Variants in IMMP2L observed in about 807,000 individuals in gnomAD.
IMMP2L encodes mitochondrial inner membrane protease subunit 2.
Under a neutral mutation model 19.3 loss-of-function variants are expected in IMMP2L, and 18 were observed. The observed-to-expected ratio is 0.93, with a 90% CI of 0.64 to 1.38. IMMP2L has a LOEUF of 1.38. IMMP2L is among the 40% of genes most tolerant of loss of function. The pLI, the probability that IMMP2L is intolerant of heterozygous loss-of-function variation, is 0.00. For synonymous variants in IMMP2L, 76 were observed against 73.0 expected (o/e 1.04, Z -0.21); for missense variants, 233 against 218.2 (o/e 1.07, Z -0.43).
chr7:110,948,897 T>C (rs1237489979), intron 4 of IMMP2L, among the ~76,000 whole-genome samples: 1 of 152,090 alleles, frequency 6.6e-6, no homozygotes, highest in Non-Finnish European at 1.5e-5. Context: ...CAAATGCAAT[T>C]TCCTCTCTCT....
At chr7:111,109,943 G>C (rs541446332) in intron 3 of IMMP2L, among the ~76,000 whole-genome samples, 1 of 152,262 alleles carries the variant, frequency 6.6e-6, no homozygotes, top group African/African-American at 2.4e-5. Context: ...AGACCGGCCT[G>C]ATCAATATGG....
At position 110,694,700 on chromosome 7, in the gene IMMP2L, T is replaced by C. The variant is rs75913437; in HGVS notation, c.409-30979A>G. ...TCCTCAAAAAGTTAAACATAGAATT[T>C]ATATATGATCGAGCAATTTCACTCC... is the stretch of plus-strand genomic sequence containing the variant. On this transcript the variant is annotated intron_variant, in intron 5 of 5. Transcript: ENST00000405709. Among the ~76,000 whole-genome samples, 1,294 of 152,260 alleles carry C rather than the reference T, an allele frequency of 8.5e-3. 9 individuals are homozygous for C. The highest frequency in any genetic ancestry group is 0.014 in the African/African-American group (588 of 41,560).
At chr7:111,086,774 C>T (rs1189162113) in intron 3 of IMMP2L, among the ~76,000 whole-genome samples, 1 of 152,158 alleles carries the variant, frequency 6.6e-6, no homozygotes, top group South Asian at 2.1e-4. Flanking sequence ...TCATTTTTTC[C>T]ACTAGGCACT....
chr7:111,281,805 G>C (rs1054514632), intron 3 of IMMP2L, among the ~76,000 whole-genome samples: 21 of 152,202 alleles, frequency 1.4e-4, no homozygotes, highest in African/African-American at 4.6e-4. Context: ...TGAAGAGACA[G>C]ATCAGTCAGA....
At chr7:111,337,402 A>G (rs1826537860) in intron 3 of IMMP2L, among the ~76,000 whole-genome samples, 1 of 152,088 alleles carries the variant, frequency 6.6e-6, no homozygotes, top group Non-Finnish European at 1.5e-5. Flanking sequence ...CTCCCAGCAC[A>G]TATTTTGCAG....
In IMMP2L at chr7:110,811,262, T is replaced by C. The variant is rs115227615; in HGVS notation, c.408+75331A>G. 1.8e-4 allele frequency among the ~76,000 whole-genome samples: 27 copies of C among 152,200 alleles called. No individual in the cohort carries two copies. The South Asian group carries it at 5.6e-3, about 32-fold the overall frequency. On this transcript the variant is annotated intron_variant, in intron 5 of 5. Transcript: ENST00000405709. ...ATAACACTGTAAAATATTTTCCTCA[T>C]ACAGTGGAGAAGCACAAGGCTTAAT... is the stretch of plus-strand genomic sequence containing the variant.
At chr7:111,002,720 T>A (rs1280895699) in intron 3 of IMMP2L, among the ~76,000 whole-genome samples, 1 of 152,086 alleles carries the variant, frequency 6.6e-6, no homozygotes, top group Non-Finnish European at 1.5e-5. Context: ...TCTCCACACA[T>A]GTGCCAGATA....
chr7:110,829,576 T>C (rs1375569645), intron 5 of IMMP2L, among the ~76,000 whole-genome samples: 2 of 152,108 alleles, frequency 1.3e-5, no homozygotes, highest in African/African-American at 2.4e-5. Flanking sequence ...TTCAGATAAA[T>C]GCCTTATTCT....
intron 3 of IMMP2L, among the ~76,000 whole-genome samples, chr7:111,370,085 C>T (rs1830126824): frequency 6.6e-6 from 1 of 151,972 alleles, no homozygotes; most frequent in African/African-American, 2.4e-5. Flanking sequence ...CTTATCCAGA[C>T]AAAGGACTTC....
chr7:111,391,390 G>A (rs529317381), intron 3 of IMMP2L, among the ~76,000 whole-genome samples: 1 of 152,136 alleles, frequency 6.6e-6, no homozygotes, highest in East Asian at 1.9e-4. Flanking sequence ...ATTTCTTCTT[G>A]TTATAGTAAT....
At chr7:111,303,977 A>G (rs1216402831) in intron 3 of IMMP2L, among the ~76,000 whole-genome samples, 1 of 152,136 alleles carries the variant, frequency 6.6e-6, no homozygotes, top group Non-Finnish European at 1.5e-5. Flanking sequence ...GTATAGGAAA[A>G]GAAAAAAAAC....
At chr7:111,066,734 C>G (rs1206782931) in intron 3 of IMMP2L, among the ~76,000 whole-genome samples, 1 of 150,338 alleles carries the variant, frequency 6.7e-6, no homozygotes, top group Non-Finnish European at 1.5e-5. Flanking sequence ...ATCTCTAGGC[C>G]CCCGAAATGT....
At chr7:110,890,878 T>A (rs1005041700) in intron 4 of IMMP2L, among the ~76,000 whole-genome samples, 9 of 152,168 alleles carry the variant, frequency 5.9e-5, no homozygotes, top group African/African-American at 2.2e-4. Context: ...TCTGAATCTT[T>A]TGAGTGTCAT....
At chr7:111,134,852 A>G (rs544095312) in intron 3 of IMMP2L, among the ~76,000 whole-genome samples, 1 of 152,184 alleles carries the variant, frequency 6.6e-6, no homozygotes, top group Non-Finnish European at 1.5e-5. Context: ...TAATATCCTG[A>G]TGCTAGCTCC....
At chr7:111,377,950 G>A (rs1830837660) in intron 3 of IMMP2L, among the ~76,000 whole-genome samples, 1 of 151,154 alleles carries the variant, frequency 6.6e-6, no homozygotes, top group Admixed American at 6.6e-5. Flanking sequence ...ACTTAACTTA[G>A]TTTTACTTAT....
chr7:111,163,753 C>A (rs1199472032), intron 3 of IMMP2L, among the ~76,000 whole-genome samples: 1 of 152,012 alleles, frequency 6.6e-6, no homozygotes, highest in Admixed American at 6.6e-5. Flanking sequence ...AACCCAGGGA[C>A]TCTCCAAGGG....
At chr7:111,353,191 T>C (rs1388700617) in intron 3 of IMMP2L, among the ~76,000 whole-genome samples, 2 of 152,148 alleles carry the variant, frequency 1.3e-5, no homozygotes, top group Non-Finnish European at 2.9e-5. Flanking sequence ...ACGCTTGCCA[T>C]CCCCTGGCTT....
chr7:111,286,171 C>T (rs1222492870), intron 3 of IMMP2L, among the ~76,000 whole-genome samples: 2 of 152,036 alleles, frequency 1.3e-5, no homozygotes, highest in Non-Finnish European at 2.9e-5. Flanking sequence ...GGACAGTTCA[C>T]GAAAAGTTTA....
intron 3 of IMMP2L, among the ~76,000 whole-genome samples, chr7:111,458,756 C>T (rs917980839): frequency 1.3e-5 from 2 of 152,148 alleles, no homozygotes; most frequent in Non-Finnish European, 2.9e-5. Flanking sequence ...GATCAACTAA[C>T]ATTTCCATAC....
Sources: allele counts gnomAD v4.1 joint callset (sites outside exome capture counted in the v4.1 genomes callset), GRCh38; gene constraint gnomAD v4.1.1; transcripts MANE v1.5; gene names NCBI Gene and HGNC (gene_info 2026-07-23, HGNC 2026-07-21).